Variants in PRDM16 observed in about 807,000 individuals in gnomAD.
PRDM16 encodes the protein PR/SET domain 16, also known as histone-lysine N-methyltransferase PRDM16.
PRDM16 carries 23 observed loss-of-function variants against 110.6 expected under a neutral mutation model. The observed-to-expected ratio is 0.21, with a 90% CI of 0.15 to 0.29. PRDM16 has a LOEUF of 0.29. PRDM16 is among the 10% of genes least tolerant of loss of function. The probability of loss-of-function intolerance (pLI) is 1.00; values close to 1 mark genes in which losing one functional copy is unlikely to be tolerated. For synonymous variants in PRDM16, 799 were observed against 781.8 expected, an observed-to-expected ratio of 1.02 and a Z score of -0.37; for missense variants, 1,615 against 1,794.3, an observed-to-expected ratio of 0.90 and a Z score of 1.81.
At chr1:3,373,215 A>T (rs1002978990) in intron 3 of PRDM16, among the ~76,000 whole-genome samples, 1 of 152,158 alleles carries the variant, frequency 6.6e-6, no homozygotes, top group Non-Finnish European at 1.5e-5. Flanking sequence ...GGACAGTCTC[A>T]GTCCCCCTGC....
At chr1:3,217,623 C>G (rs1639059264) in intron 2 of PRDM16, among the ~76,000 whole-genome samples, 1 of 152,210 alleles carries the variant, frequency 6.6e-6, no homozygotes, top group Non-Finnish European at 1.5e-5. Flanking sequence ...GTTCTCCCAG[C>G]CACTGTGGCT....
intron 12 of PRDM16, among the ~76,000 whole-genome samples, chr1:3,421,068 C>T (rs544447163): frequency 6.0e-4 from 92 of 152,348 alleles, no homozygotes; most frequent in African/African-American, 2.1e-3. Context: ...GTTGTGCTTC[C>T]ATCGGGGGCT....
rs150251103 is a variant in PRDM16 at position 3,276,134 on chromosome 1, C to A, written c.438+31997C>A. 3.9e-5 allele frequency among the ~76,000 whole-genome samples: 6 copies of A among 152,372 alleles called. No homozygotes were observed. The East Asian group carries it at 1.2e-3, about 29-fold the overall frequency. ...GAAAGGGCTTCAAGGGGGGAGAAACCAACTGGAAAGCTGTTTTCTGTTAAG... is the reference window on the plus strand; with the variant it reads ...GAAAGGGCTTCAAGGGGGGAGAAACAAACTGGAAAGCTGTTTTCTGTTAAG... On this transcript the variant is annotated intron_variant, in intron 3 of 16. Transcript: ENST00000270722.
chr1:3,415,557 T>G (rs942270997), intron 10 of PRDM16, among the ~76,000 whole-genome samples: 1 of 152,256 alleles, frequency 6.6e-6, no homozygotes, highest in Non-Finnish European at 1.5e-5. Context: ...CCCCTGATTT[T>G]CCTCGGGATG....
intron 1 of PRDM16, among the ~76,000 whole-genome samples, chr1:3,159,991 C>G (rs1643885727): frequency 6.6e-6 from 1 of 152,270 alleles, no homozygotes; most frequent in East Asian, 1.9e-4. Flanking sequence ...CACCGCGTAT[C>G]TGAAATGCAA....
chr1:3,280,309 A>C (rs750317768), intron 3 of PRDM16, among the ~76,000 whole-genome samples: 65 of 152,232 alleles, frequency 4.3e-4, no homozygotes, highest in African/African-American at 1.2e-3. Context: ...GTGTGTGTGC[A>C]TGCTTGCAGC....
rs1337549329 is a variant in PRDM16 at position 3,287,435 on chromosome 1, T to C, written c.438+43298T>C. 4.2e-5 allele frequency among the ~76,000 whole-genome samples: 3 copies of C among 71,812 alleles called. 1 individual carries two copies. The highest frequency in any genetic ancestry group is 8.8e-4 in the East Asian group (2 of 2,282). 47.1% of individuals were successfully genotyped at this position (71,812 alleles called of 152,430 possible). On this transcript the variant is annotated intron_variant, in intron 3 of 16. Coordinates refer to ENST00000270722, the MANE Select transcript of PRDM16 (RefSeq NM_022114.4). ...GCCCCGCCACGCGGGCATCCAGGAT[T>C]GCATTTACCGGGGCTGGAGCCGCCC...
intron 3 of PRDM16, among the ~76,000 whole-genome samples, chr1:3,273,050 G>C (rs1401325816): frequency 6.6e-6 from 1 of 152,238 alleles, no homozygotes; most frequent in Non-Finnish European, 1.5e-5. Context: ...GAGTCTGCGT[G>C]GGAGAGGATG....
intron 3 of PRDM16, among the ~76,000 whole-genome samples, chr1:3,269,820 G>GTCA (rs1557570600): frequency 7.5e-6 from 1 of 133,556 alleles, no homozygotes. Flanking sequence ...GAGAATGACA[G>GTCA]GGAGGAGGAC....
intron 3 of PRDM16, among the ~76,000 whole-genome samples, chr1:3,335,074 TC>T (rs1642117008): frequency 1.3e-5 from 2 of 151,968 alleles, no homozygotes; most frequent in South Asian, 2.1e-4. Context: ...GAGACCAGGT[TC>T]CCCCCTGTGG....
chr1:3,128,476 T>A (rs1353438589), intron 1 of PRDM16, among the ~76,000 whole-genome samples: 1 of 152,132 alleles, frequency 6.6e-6, no homozygotes, highest in African/African-American at 2.4e-5. Flanking sequence ...AAACCCTCCC[T>A]CCGCATGGCT....
chr1:3,382,232 G>A lies in PRDM16; in HGVS notation c.439-2920G>A, dbSNP rs966697797. ...CCTGCCTCCCTAGTGACAACCAGCCGCTTGTGGCCTCCTCCCTCCCATGCC... is the reference window on the plus strand; with the variant it reads ...CCTGCCTCCCTAGTGACAACCAGCCACTTGTGGCCTCCTCCCTCCCATGCC... On this transcript the variant is annotated intron_variant, in intron 3 of 16. Transcript: ENST00000270722. This position sits in a 1 kb window ranked among gnomAD's most constrained non-coding sequence, Gnocchi z 6.6. Among the ~76,000 whole-genome samples, 2 of 152,210 alleles carry A rather than the reference G, an allele frequency of 1.3e-5. No individual in the cohort carries two copies. The highest frequency in any genetic ancestry group is 2.9e-5 in the Non-Finnish European group (2 of 68,026).
intron 3 of PRDM16, among the ~76,000 whole-genome samples, chr1:3,335,275 A>G (rs1238033588): frequency 1.3e-5 from 2 of 152,206 alleles, no homozygotes; most frequent in African/African-American, 2.4e-5. Context: ...CGAGGAAGGC[A>G]CTTCAAAGGA....
intron 1 of PRDM16, among the ~76,000 whole-genome samples, chr1:3,181,360 G>GGA (rs1644175757): frequency 1.4e-4 from 1 of 7,386 alleles, no homozygotes; most frequent in Non-Finnish European, 3.5e-4. Context: ...TCTTACACAC[G>GGA]GTCTTACACA....
chr1:3,158,991 C>T (rs1037096689), intron 1 of PRDM16, among the ~76,000 whole-genome samples: 15 of 152,196 alleles, frequency 9.9e-5, no homozygotes, highest in African/African-American at 3.1e-4. Context: ...AGGCTGGTCT[C>T]GAACTCCTGA....
intron 1 of PRDM16, among the ~76,000 whole-genome samples, chr1:3,180,909 TACACGCAGCCTTAC>T (rs145561263): frequency 6.1e-5 from 8 of 131,136 alleles, no homozygotes; most frequent in African/African-American, 1.1e-4. Context: ...CACGCAGTCT[TACACGCAGCCTTAC>T]ACACGCAGCC....
intron 16 of PRDM16, among the ~76,000 whole-genome samples, chr1:3,432,963 T>C (rs1009050917): frequency 2.6e-5 from 4 of 152,190 alleles, no homozygotes; most frequent in African/African-American, 9.6e-5. Flanking sequence ...CCAGAAACGC[T>C]GCACATCCCT....
At position 3,165,741 on chromosome 1, in the gene PRDM16, ACAGTGACTCACCTG is replaced by A. The variant is rs1643947480; in HGVS notation, c.38-20383_38-20370del. On this transcript the variant is annotated intron_variant, in intron 1 of 16. Transcript: ENST00000270722. ...GACAGTGACTCACCTGGGCTCAGGGACAGTGACTCACCTGGGCCCAGGGACAGGGACTCACCAGG... is the reference window on the plus strand; with the variant it reads ...GACAGTGACTCACCTGGGCTCAGGGAGGCCCAGGGACAGGGACTCACCAGG... Among the ~76,000 whole-genome samples the A allele has an allele frequency of 2.8e-5, 2 of 70,474 alleles. 1 individual carries two copies. The highest frequency in any genetic ancestry group is 2.1e-4 in the African/African-American group (2 of 9,420). 46.2% of individuals were successfully genotyped at this position (70,474 alleles called of 152,430 possible).
Position 3,435,570 on chromosome 1 carries a change from G to A in PRDM16, c.*1759G>A, listed in dbSNP as rs754162447. On this transcript the variant is annotated 3_prime_UTR_variant, in exon 17 of 17. Transcript: ENST00000270722. ...AATGATGATAGAGTCCCAAAAAGAAGAGAAAAAAAATGCCCAAGTTGCCCT... is the reference window on the plus strand; with the variant it reads ...AATGATGATAGAGTCCCAAAAAGAAAAGAAAAAAAATGCCCAAGTTGCCCT... 5.2e-5 allele frequency: 12 copies of A among 232,022 alleles called. No homozygotes were observed. The highest frequency in any genetic ancestry group is 9.4e-5 in the Non-Finnish European group (11 of 117,536). The allele number at this position is 232,022 out of a possible 1,614,324, so 14.4% of individuals were successfully genotyped here. A position where few individuals can be genotyped will look rare whatever the true frequency, so the allele number is the denominator to read the frequency against.
Sources: allele counts gnomAD v4.1 joint callset (sites outside exome capture counted in the v4.1 genomes callset), GRCh38; gene constraint gnomAD v4.1.1; non-coding constraint Gnocchi (gnomAD v3.1); transcripts MANE v1.5; gene names NCBI Gene and HGNC (gene_info 2026-07-23, HGNC 2026-07-21).